Variants in FRMD4A observed in about 807,000 individuals in gnomAD.
FRMD4A encodes the protein FERM domain-containing protein 4A.
FRMD4A carries 29 observed loss-of-function variants against 129.1 expected under a neutral mutation model. The observed-to-expected ratio is 0.22, with a 90% CI of 0.17 to 0.31. The LOEUF (loss-of-function observed/expected upper bound fraction) is 0.31. FRMD4A is among the 10% of genes least tolerant of loss of function. The pLI, the probability that FRMD4A is intolerant of heterozygous loss-of-function variation, is 1.00. For missense variants in FRMD4A, 1,272 were observed against 1,375.8 expected (o/e 0.92, Z 1.19); for synonymous variants, 634 against 571.6 (o/e 1.11, Z -1.56).
In FRMD4A at chr10:13,990,064, G is replaced by A. The variant is rs554434186; in HGVS notation, c.46-131152C>T. Among the ~76,000 whole-genome samples the A allele has an allele frequency of 2.0e-5, 3 of 152,248 alleles. No individual in the cohort carries two copies. The East Asian group carries it at 5.8e-4, about 29-fold the overall frequency. ...TCAGACTACCTGGGTTCAAACCCTG[G>A]ATCTGCCACTGCTGGCTGCGTAACC... On this transcript the variant is annotated intron_variant, in intron 2 of 24. Transcript: ENST00000357447.
chr10:13,683,766 G>A (rs886615025), intron 15 of FRMD4A, among the ~76,000 whole-genome samples: 2 of 151,452 alleles, frequency 1.3e-5, no homozygotes, highest in African/African-American at 4.8e-5. Flanking sequence ...AGGCTGGAGT[G>A]CAGTGGTGTG....
At chr10:13,706,999 C>A in intron 13 of FRMD4A, 38 bp downstream of exon 13, 1 of 1,069,600 alleles carries the variant, frequency 9.3e-7, no homozygotes. Context: ...CGGCCGAGAG[C>A]CACGCCATCC....
intron 6 of FRMD4A, among the ~76,000 whole-genome samples, chr10:13,774,508 G>A (rs1443418102): frequency 1.3e-5 from 2 of 152,220 alleles, no homozygotes; most frequent in Non-Finnish European, 2.9e-5. Context: ...TGTGGAGACT[G>A]TTCCCTCCCG....
At chr10:13,951,613 G>A (rs899734074) in intron 2 of FRMD4A, among the ~76,000 whole-genome samples, 1 of 152,088 alleles carries the variant, frequency 6.6e-6, no homozygotes, top group Non-Finnish European at 1.5e-5. Flanking sequence ...ATTTTGGCTG[G>A]GCGTGGTGGC....
chr10:14,292,377 A>C (rs1364798257), intron 2 of FRMD4A, among the ~76,000 whole-genome samples: 2 of 152,250 alleles, frequency 1.3e-5, no homozygotes, highest in Non-Finnish European at 2.9e-5. Flanking sequence ...GATATTGAAG[A>C]CCATCAGGAA....
At chr10:14,198,494 G>A (rs1259623886) in intron 2 of FRMD4A, among the ~76,000 whole-genome samples, 1 of 152,178 alleles carries the variant, frequency 6.6e-6, no homozygotes. Flanking sequence ...TGCATCCCAG[G>A]GAAAGTGAGG....
At chr10:14,286,478 G>T (rs1190309651) in intron 2 of FRMD4A, among the ~76,000 whole-genome samples, 1 of 152,066 alleles carries the variant, frequency 6.6e-6, no homozygotes, top group African/African-American at 2.4e-5. Context: ...TTAAGTAGTG[G>T]CTTGAGAAAC....
chr10:13,740,131 G>T (rs1489566812), intron 11 of FRMD4A, 63 bp downstream of exon 11: 3 of 893,506 alleles, frequency 3.4e-6, no homozygotes, highest in African/African-American at 3.3e-5. Flanking sequence ...AACATATAAC[G>T]AGATGTTTTG....
chr10:14,144,604 C>T (rs1208871700), intron 2 of FRMD4A, among the ~76,000 whole-genome samples: 1 of 152,112 alleles, frequency 6.6e-6, no homozygotes, highest in East Asian at 1.9e-4. Flanking sequence ...TGGCACTATT[C>T]TATGTGTGAT....
chr10:13,735,743 G>T (rs1564713997), intron 12 of FRMD4A, among the ~76,000 whole-genome samples: 2 of 152,202 alleles, frequency 1.3e-5, no homozygotes, highest in African/African-American at 4.8e-5. Context: ...TGTCGGCCTT[G>T]GTCTTCCACC....
intron 2 of FRMD4A, among the ~76,000 whole-genome samples, chr10:14,321,810 G>T (rs935252264): frequency 2.4e-4 from 36 of 152,190 alleles, no homozygotes; most frequent in African/African-American, 8.2e-4. Context: ...TCTCAAGTCT[G>T]AATTGGAATC....
In FRMD4A at chr10:13,934,133, TGACAG is replaced by T. The variant is rs536434837; in HGVS notation, c.46-75226_46-75222del. 5.9e-5 allele frequency among the ~76,000 whole-genome samples: 9 copies of T among 152,308 alleles called. No individual in the cohort carries two copies. The South Asian group carries it at 8.3e-4, about 14-fold the overall frequency. On this transcript the variant is annotated intron_variant, in intron 2 of 24. Coordinates refer to ENST00000357447, the MANE Select transcript of FRMD4A (RefSeq NM_018027.5). ...CTCTATGCCTAAAACACATTGACTA[TGACAG>T]CATTAAGGGTGGTGAGGAACATAGA...
chr10:14,305,986 G>A (rs1374637125), intron 2 of FRMD4A, among the ~76,000 whole-genome samples: 2 of 152,126 alleles, frequency 1.3e-5, no homozygotes, highest in African/African-American at 4.8e-5. Flanking sequence ...GATGGGCAGT[G>A]GGAGAAGGGA....
chr10:13,814,580 CAAAAAAAAAAA>C (rs553044764), intron 3 of FRMD4A, among the ~76,000 whole-genome samples: 5 of 41,388 alleles, frequency 1.2e-4, no homozygotes, highest in South Asian at 1.2e-3. Context: ...GACCCTGTTT[CAAAAAAAAAAA>C]AAAAAAAAAA....
intron 3 of FRMD4A, among the ~76,000 whole-genome samples, chr10:13,853,841 A>C (rs1214937465): frequency 1.3e-5 from 2 of 151,416 alleles, no homozygotes; most frequent in Non-Finnish European, 2.9e-5. Context: ...AAAAAAAAAA[A>C]AAAAAAAAAA....
chr10:14,023,075 C>A (rs1218226340), intron 2 of FRMD4A, among the ~76,000 whole-genome samples: 1 of 152,092 alleles, frequency 6.6e-6, no homozygotes, highest in Non-Finnish European at 1.5e-5. Context: ...GTCCAAGAAA[C>A]CTCCCTGTCT....
chr10:13,812,183 G>A (rs562435790), intron 3 of FRMD4A, among the ~76,000 whole-genome samples: 315 of 152,260 alleles, frequency 2.1e-3, no homozygotes, highest in Non-Finnish European at 3.8e-3. Flanking sequence ...CTGGCCGACA[G>A]TTGGTTTCTT....
chr10:13,722,058 G>A (rs1220327344), intron 12 of FRMD4A, among the ~76,000 whole-genome samples: 2 of 152,158 alleles, frequency 1.3e-5, no homozygotes, highest in African/African-American at 2.4e-5. Flanking sequence ...GCTCGCTCCA[G>A]GGGGTACAGG....
chr10:14,244,356 AAC>A (rs1383579543), intron 2 of FRMD4A, among the ~76,000 whole-genome samples: 1 of 152,188 alleles, frequency 6.6e-6, no homozygotes, highest in Non-Finnish European at 1.5e-5. Flanking sequence ...ACTAGCGTCT[AAC>A]TAATGAGCTG....
Sources: allele counts gnomAD v4.1 joint callset (sites outside exome capture counted in the v4.1 genomes callset), GRCh38; gene constraint gnomAD v4.1.1; transcripts MANE v1.5; gene names NCBI Gene and HGNC (gene_info 2026-07-23, HGNC 2026-07-21).